The following DMD variants were observed in gnomAD, a reference collection of about 807,000 sequenced individuals.
DMD encodes mutant dystrophin.
A neutral mutation model predicts 330.1 loss-of-function variants in DMD; 63 were observed. The observed-to-expected ratio is 0.19, with a 90% CI of 0.16 to 0.24. The LOEUF is 0.24. Among genes scored for constraint, DMD ranks in the 10% least tolerant of loss-of-function variants. The probability of loss-of-function intolerance (pLI) is 1.00; values close to 1 mark genes in which losing one functional copy is unlikely to be tolerated. For missense variants in DMD, 3,344 were observed against 2,684.1 expected, an observed-to-expected ratio of 1.25 and a Z score of -5.43; for synonymous variants, 1,223 against 959.8, an observed-to-expected ratio of 1.27 and a Z score of -5.07.
chrX:32,964,698 ACT>A (rs1286536465), intron 2 of DMD, among the ~76,000 whole-genome samples: 1 of 111,605 alleles, frequency 9.0e-6, no homozygotes, highest in African/African-American at 3.3e-5. Context: ...ACAGAGCAAG[ACT>A]CTGTCTCAAA....
chrX:31,426,234 C>T (rs564425514), intron 60 of DMD, among the ~76,000 whole-genome samples: 1 of 112,233 alleles, frequency 8.9e-6, no homozygotes, highest in East Asian at 2.8e-4. Flanking sequence ...TCTATTGCAT[C>T]AGAATCTCCA....
chrX:31,542,720 G>A (rs186889648), intron 55 of DMD, among the ~76,000 whole-genome samples: 1 of 112,290 alleles, frequency 8.9e-6, no homozygotes, highest in African/African-American at 3.2e-5. Flanking sequence ...CCTTCAAGCT[G>A]TGAGAGGATT....
chrX:31,827,558 A>C (rs1248331050), intron 49 of DMD, among the ~76,000 whole-genome samples: 1 of 111,859 alleles, frequency 8.9e-6, no homozygotes, highest in Non-Finnish European at 1.9e-5. Flanking sequence ...CTTAAATTAC[A>C]CCCTAGAACA....
At chrX:33,169,359 A>C (rs187036756) in intron 1 of DMD, among the ~76,000 whole-genome samples, 47 of 111,620 alleles carry the variant, frequency 4.2e-4, no homozygotes, top group African/African-American at 1.4e-3. Context: ...TAGCCTAAAG[A>C]TTCCATTAAA....
intron 17 of DMD, among the ~76,000 whole-genome samples, chrX:32,540,203 G>C (rs769805401): frequency 1.4e-4 from 16 of 111,004 alleles, no homozygotes; most frequent in South Asian, 3.8e-4. Flanking sequence ...TCCTTACTCT[G>C]ATAATTACCT....
At chrX:31,272,318 A>G (rs2051705914) in intron 62 of DMD, among the ~76,000 whole-genome samples, 1 of 112,221 alleles carries the variant, frequency 8.9e-6, no homozygotes, top group South Asian at 3.7e-4. Flanking sequence ...TGGAGTACCT[A>G]TTAGCCTGCC....
chrX:31,845,424 T>C (rs114957119), intron 48 of DMD, among the ~76,000 whole-genome samples: 283 of 94,307 alleles, frequency 3.0e-3, no homozygotes, highest in Non-Finnish European at 4.6e-3. Flanking sequence ...TCTCTCTCTC[T>C]CCCTCTCCTC....
At chrX:32,537,608 G>A (rs181540479) in intron 17 of DMD, among the ~76,000 whole-genome samples, 21 of 111,573 alleles carry the variant, frequency 1.9e-4, no homozygotes, top group African/African-American at 6.8e-4. Context: ...GCTCTCTGGC[G>A]ACCTTGCTGA....
At chrX:32,206,065 T>C in intron 44 of DMD, 1 of 517,148 alleles carries the variant, frequency 1.9e-6, no homozygotes, top group Non-Finnish European at 3.5e-6. Context: ...TTGCACATTG[T>C]TGAAGCAGAG....
At chrX:32,889,249 G>A (rs1424458886) in intron 2 of DMD, among the ~76,000 whole-genome samples, 1 of 111,173 alleles carries the variant, frequency 9.0e-6, no homozygotes, top group African/African-American at 3.3e-5. Flanking sequence ...CAGGATATAG[G>A]GTACAGTAGA....
At chrX:32,834,212 A>T (rs1021263564) in intron 4 of DMD, among the ~76,000 whole-genome samples, 3 of 111,593 alleles carry the variant, frequency 2.7e-5, no homozygotes, top group African/African-American at 9.7e-5. Context: ...GAATTAATAC[A>T]TATAAAGTGC....
chrX:32,574,580 C>A (rs12559855), intron 13 of DMD, among the ~76,000 whole-genome samples: 4,792 of 111,544 alleles, frequency 0.043, 113 homozygotes, highest in African/African-American at 0.084. Context: ...GCAGTTAGCT[C>A]AACCTCATTA....
At position 32,075,880 on chromosome X, in the gene DMD, C is replaced by T. The variant is rs750896867; in HGVS notation, c.6439-107366G>A. Among the ~76,000 whole-genome samples, 227 of 106,984 alleles carry T rather than the reference C, an allele frequency of 2.1e-3. 3 individuals are homozygous for T. Among genetic ancestry groups the T allele is most frequent in the Non-Finnish European group, 2.9e-3 (152 of 51,951 alleles). The allele number at this position is 106,984 out of a possible 115,157, so 92.9% of individuals were successfully genotyped here. ...CCTGGGCAACATGGTGAAACCCCGTCTCCACTAAAGATACAAAAATTAGCC... is the reference window on the plus strand; with the variant it reads ...CCTGGGCAACATGGTGAAACCCCGTTTCCACTAAAGATACAAAAATTAGCC... On this transcript the variant is annotated intron_variant, in intron 44 of 78. Coordinates refer to ENST00000357033, the MANE Select transcript of DMD (RefSeq NM_004006.3).
intron 17 of DMD, among the ~76,000 whole-genome samples, chrX:32,522,839 G>A (rs1481428357): frequency 1.8e-5 from 2 of 111,844 alleles, no homozygotes; most frequent in Non-Finnish European, 3.8e-5. Context: ...ATGCATTTGG[G>A]CCACTTTGGT....
rs1288976217 is a variant in DMD, at chrX:32,178,979, T to TCTCTCTCC, written c.6438+37936_6438+37937insGGAGAGAG. ...CTCTCTCTCTCTCTCTCTCTCTCTCTCTCCCTCTCCTCCTGCTCCTCCTCC... is the reference window on the plus strand; with the variant it reads ...CTCTCTCTCTCTCTCTCTCTCTCTCTCTCTCTCCCTCCCTCTCCTCCTGCTCCTCCTCC... On this transcript the variant is annotated intron_variant, in intron 44 of 78. Transcript: ENST00000357033. Among the ~76,000 whole-genome samples, 30 of 103,329 alleles carry TCTCTCTCC rather than the reference T, an allele frequency of 2.9e-4. No individual in the cohort carries two copies. In the East Asian group the frequency reaches 4.5e-3, roughly 16 times the overall value. The allele number at this position is 103,329 out of a possible 115,157, so 89.7% of individuals were successfully genotyped here. A position where few individuals can be genotyped will look rare whatever the true frequency, so the allele number is the denominator to read the frequency against.
chrX:33,103,597 G>T (rs780671541), intron 1 of DMD, among the ~76,000 whole-genome samples: 3 of 109,600 alleles, frequency 2.7e-5, no homozygotes, highest in African/African-American at 1.0e-4. Flanking sequence ...TTATAAAACG[G>T]CCCCACCCCT....
intron 1 of DMD, among the ~76,000 whole-genome samples, chrX:33,023,984 C>A (rs1022846985): frequency 9.0e-6 from 1 of 111,331 alleles, no homozygotes; most frequent in African/African-American, 3.3e-5. Context: ...AAATTTTATA[C>A]GTATTTACTT....
At chrX:31,880,882 G>A (rs1273368726) in intron 47 of DMD, among the ~76,000 whole-genome samples, 1 of 112,055 alleles carries the variant, frequency 8.9e-6, no homozygotes, top group Admixed American at 9.5e-5. Context: ...ATTGGTTTAT[G>A]TATTTACTAT....
In DMD at chrX:32,518,083, T is replaced by C. The variant is rs2148804488; in HGVS notation, c.2217A>G (p.Glu739=). The C allele has an allele frequency of 2.5e-6, 3 of 1,210,782 alleles. No homozygotes were observed. The highest frequency in any genetic ancestry group is 3.4e-6 in the Non-Finnish European group (3 of 894,535). The change falls in exon 18 of 79, where the codon GAA becomes GAG. Residue 739 remains glutamate, a synonymous_variant. Coordinates refer to ENST00000357033, the MANE Select transcript of DMD (RefSeq NM_004006.3). ...TELHSWITRS[E]AVLQSPEFAI... ...CAAATTCAGGACTCTGCAACACAGC[T>C]TCTGAGCGAGTAATCCAGCTGTGAA...
Sources: allele counts gnomAD v4.1 joint callset (sites outside exome capture counted in the v4.1 genomes callset), GRCh38; gene constraint gnomAD v4.1.1; transcripts MANE v1.5; gene names NCBI Gene and HGNC (gene_info 2026-07-23, HGNC 2026-07-21).